HEATR6: variants seen among roughly 807,000 people sequenced by gnomAD.
HEATR6 encodes the protein HEAT repeat-containing protein 6.
HEATR6 carries 106 observed loss-of-function variants against 132.8 expected under a neutral mutation model. The ratio of observed to expected loss-of-function variants is 0.80; its 90% CI spans 0.68 to 0.94. The LOEUF (loss-of-function observed/expected upper bound fraction) is 0.94. Ranked by LOEUF, HEATR6 falls within the 40% of genes least tolerant of loss-of-function variation. The pLI is 0.00. For missense variants in HEATR6, 1,339 were observed against 1,425.1 expected (o/e 0.94, Z 0.97); for synonymous variants, 529 against 537.8 (o/e 0.98, Z 0.23).
At chr17:60,078,635 C>A in intron 1 of HEATR6, 61 bp downstream of exon 1, 1 of 1,348,246 alleles carries the variant, frequency 7.4e-7, no homozygotes, top group South Asian at 1.3e-5. Flanking sequence ...AGGCAGAGGC[C>A]ACCAGCTGGG....
intron 15 of HEATR6, 79 bp from the exon 16 acceptor site, chr17:60,049,781 A>G: frequency 6.7e-7 from 1 of 1,500,148 alleles, no homozygotes; most frequent in South Asian, 1.1e-5. Flanking sequence ...GATGTGAAAT[A>G]TCTGTGTCTG....
intron 2 of HEATR6, among the ~76,000 whole-genome samples, chr17:60,075,398 T>C (rs928148656): frequency 2.0e-5 from 3 of 152,228 alleles, no homozygotes; most frequent in African/African-American, 4.8e-5. Context: ...ATGGCTTTTC[T>C]GCTTATTGCA....
chr17:60,067,453 C>A lies in HEATR6; in HGVS notation c.1219G>T (p.Gly407Cys). The change falls in exon 8 of 20, where the codon GGC (glycine) becomes TGC (cysteine). Residue 407 changes from glycine to cysteine, a missense_variant. Coordinates refer to ENST00000184956, the MANE Select transcript of HEATR6 (RefSeq NM_022070.5). ...SESDFSDAEG[G>C]MQSKMRSYQA... ...TACTACCTCATTTTACTCTGCATGC[C>A]TCCTTCAGCATCAGAAAAGTCTGAC... is the stretch of plus-strand genomic sequence containing the variant. 6.4e-7 allele frequency: 1 copy of A among 1,554,380 alleles called. No homozygotes were observed. Among genetic ancestry groups the A allele is most frequent in the Non-Finnish European group, 8.7e-7 (1 of 1,154,858 alleles).
chr17:60,047,193 A>G, intron 18 of HEATR6, 116 bp downstream of exon 18: 1 of 631,110 alleles, frequency 1.6e-6, no homozygotes, highest in East Asian at 2.8e-5. Flanking sequence ...TCTTTTGAAC[A>G]GGAGTACATT....
chr17:60,059,720 A>G (rs1160232614), intron 10 of HEATR6, among the ~76,000 whole-genome samples, 170 bp downstream of exon 10: 1 of 152,230 alleles, frequency 6.6e-6, no homozygotes, highest in Non-Finnish European at 1.5e-5. Context: ...TGGGACATAC[A>G]GAGATTATAG....
chr17:60,065,248 A>G (rs536818583), intron 9 of HEATR6, among the ~76,000 whole-genome samples: 54 of 152,320 alleles, frequency 3.5e-4, no homozygotes, highest in African/African-American at 1.3e-3. Flanking sequence ...AATTGAGGCT[A>G]ATTTATTTTT....
chr17:60,050,741 A>T, intron 15 of HEATR6, 102 bp downstream of exon 15: 4 of 1,410,676 alleles, frequency 2.8e-6, no homozygotes, highest in Non-Finnish European at 3.9e-6. Flanking sequence ...GCGCCTTTTC[A>T]TCAGAGATGA....
At chr17:60,061,052 T>C (rs935857889) in intron 9 of HEATR6, among the ~76,000 whole-genome samples, 2 of 152,158 alleles carry the variant, frequency 1.3e-5, no homozygotes, top group Admixed American at 6.5e-5. Flanking sequence ...GTAATAAGCA[T>C]AGGACTATTA....
chr17:60,045,898 T>G (rs1325004543), intron 19 of HEATR6, 127 bp downstream of exon 19: 1 of 681,528 alleles, frequency 1.5e-6, no homozygotes, highest in Non-Finnish European at 2.5e-6. Context: ...TAAACTTGTC[T>G]TCAGTATGTC....
At chr17:60,050,733 G>A (rs1598906856) in intron 15 of HEATR6, 110 bp downstream of exon 15, 24 of 1,307,270 alleles carry the variant, frequency 1.8e-5, no homozygotes, top group African/African-American at 2.9e-5. Context: ...TAGAACTAGC[G>A]CCTTTTCATC....
chr17:60,069,251 T>G (rs760981033), intron 7 of HEATR6, among the ~76,000 whole-genome samples: 28 of 152,250 alleles, frequency 1.8e-4, no homozygotes, highest in Non-Finnish European at 3.7e-4. Context: ...AAAAGCCAAA[T>G]CCAGCCCAGC....
chr17:60,078,856 C>T lies in HEATR6; in HGVS notation c.59G>A (p.Arg20Gln), dbSNP rs771489077. ...ATTGCCTCGCTCAGGGATTGCTTCC[C>T]GCGGTGCCTCCCGCGGCTGCACGGA... ...WPSVQPREAP[R>Q]EAIPERGNGF... The change falls in exon 1 of 20, where the codon CGG becomes CAG. Residue 20 changes from arginine (R) to glutamine (Q), a missense_variant. Transcript: ENST00000184956. 1 of 1,512,860 alleles carries T rather than the reference C, an allele frequency of 6.6e-7. No homozygotes were observed. Among genetic ancestry groups the T allele is most frequent in the Non-Finnish European group, 8.9e-7 (1 of 1,118,812 alleles). The allele number at this position is 1,512,860 out of a possible 1,614,324, so 93.7% of individuals were successfully genotyped here.
chr17:60,057,900 T>A (rs886717560), intron 11 of HEATR6, among the ~76,000 whole-genome samples: 1 of 152,232 alleles, frequency 6.6e-6, no homozygotes. Context: ...TATCTGCTCC[T>A]TTGTTGTAGA....
chr17:60,044,759 A>G (rs1014091999), intron 19 of HEATR6, among the ~76,000 whole-genome samples: 1 of 152,188 alleles, frequency 6.6e-6, no homozygotes, highest in African/African-American at 2.4e-5. Flanking sequence ...AAGATGGGTG[A>G]CAGAGTAGAA....
At chr17:60,052,158 A>G (rs1297054345) in intron 14 of HEATR6, among the ~76,000 whole-genome samples, 2 of 152,210 alleles carry the variant, frequency 1.3e-5, no homozygotes, top group South Asian at 2.1e-4. Flanking sequence ...TTCTGCCAGC[A>G]GCCAACACTA....
intron 16 of HEATR6, among the ~76,000 whole-genome samples, chr17:60,049,002 A>ATATAT (rs1324442192): frequency 1.5e-5 from 2 of 131,678 alleles, no homozygotes; most frequent in African/African-American, 3.0e-5. Flanking sequence ...ATATATATAT[A>ATATAT]TATATATATA....
intron 6 of HEATR6, among the ~76,000 whole-genome samples, chr17:60,070,205 TC>T (rs557183746): frequency 1.9e-3 from 295 of 152,286 alleles, no homozygotes; most frequent in African/African-American, 6.8e-3. Context: ...CCTATAGCTA[TC>T]TCTCTATTTG....
chr17:60,048,367 C>T lies in HEATR6; in HGVS notation c.2569G>A (p.Ala857Thr), dbSNP rs778914846. The change falls in exon 17 of 20, where the codon GCA (alanine) becomes ACA (threonine). Residue 857 changes from alanine to threonine, a missense_variant. Coordinates refer to ENST00000184956, the MANE Select transcript of HEATR6 (RefSeq NM_022070.5). Reference protein sequence around the residue: ...LRQDVIFVADAANAILMSLED... With the variant: ...LRQDVIFVADTANAILMSLED... ...AGTGACATCAATATTGCATTTGCTG[C>T]GTCTGCAACAAATATGACATCCTGT... 19 of 1,611,176 alleles carry T rather than the reference C, an allele frequency of 1.2e-5. No individual in the cohort carries two copies. Among genetic ancestry groups the T allele is most frequent in the South Asian group, 9.9e-5 (9 of 90,836 alleles).
intron 7 of HEATR6, among the ~76,000 whole-genome samples, chr17:60,068,449 A>G (rs1305737164): frequency 1.3e-5 from 2 of 151,178 alleles, no homozygotes; most frequent in East Asian, 1.9e-4. Context: ...CCCCAGATCC[A>G]TATTCTTTTA....
Sources: allele counts gnomAD v4.1 joint callset (sites outside exome capture counted in the v4.1 genomes callset), GRCh38; gene constraint gnomAD v4.1.1; transcripts MANE v1.5; gene names NCBI Gene and HGNC (gene_info 2026-07-23, HGNC 2026-07-21).